Variants in ASAP2 observed in about 807,000 individuals in gnomAD.
ASAP2 encodes the protein ArfGAP with SH3 domain, ankyrin repeat and PH domain 2.
Under a neutral mutation model 131.4 loss-of-function variants are expected in ASAP2, and 45 were observed. The ratio of observed to expected loss-of-function variants is 0.34; its 90% CI spans 0.27 to 0.44. The LOEUF is 0.44. Ranked by LOEUF, ASAP2 falls within the 20% of genes least tolerant of loss-of-function variation. The probability of loss-of-function intolerance (pLI) is 1.00; values close to 1 mark genes in which losing one functional copy is unlikely to be tolerated. For missense variants in ASAP2, 1,011 were observed against 1,297.0 expected, an observed-to-expected ratio of 0.78 and a Z score of 3.39; for synonymous variants, 510 against 503.0, an observed-to-expected ratio of 1.01 and a Z score of -0.19.
chr2:9,316,206 C>T (rs996297488), intron 3 of ASAP2, among the ~76,000 whole-genome samples: 1 of 151,928 alleles, frequency 6.6e-6, no homozygotes, highest in African/African-American at 2.4e-5. Flanking sequence ...CCTATAGTCC[C>T]AGCTACTCAG....
intron 21 of ASAP2, among the ~76,000 whole-genome samples, 156 bp from the exon 22 acceptor site, chr2:9,388,138 A>G (rs902012669): frequency 6.6e-6 from 1 of 152,100 alleles, no homozygotes; most frequent in Non-Finnish European, 1.5e-5. Flanking sequence ...TGCAGCTCTC[A>G]CGCAACTTGT....
At chr2:9,216,453 AT>A (rs999787414) in intron 1 of ASAP2, among the ~76,000 whole-genome samples, 855 of 85,436 alleles carry the variant, frequency 0.01, 3 homozygotes, top group African/African-American at 0.02. Flanking sequence ...TGCCTGTTTA[AT>A]TTTTTTTTTT....
chr2:9,286,645 G>C (rs1251063006), intron 2 of ASAP2, among the ~76,000 whole-genome samples: 1 of 152,222 alleles, frequency 6.6e-6, no homozygotes. Context: ...TTTTGTGGAA[G>C]GAGATCCATG....
rs150148434 is a variant in ASAP2, at chr2:9,389,588, C to G, written c.2383+1042C>G. ...TGCTGGGCCCATCTTCCCTGCCGTC[C>G]TGGGTGTCTCACAGACCCTCACACG... On this transcript the variant is annotated intron_variant, in intron 22 of 27. Coordinates refer to ENST00000281419, the MANE Select transcript of ASAP2 (RefSeq NM_003887.3). The surrounding 1 kb of genome is among the most constrained non-coding windows in gnomAD (Gnocchi z 4.7). Among the ~76,000 whole-genome samples, 386 of 152,276 alleles carry G rather than the reference C, an allele frequency of 2.5e-3. 2 individuals are homozygous for G. Among genetic ancestry groups the G allele is most frequent in the African/African-American group, 9.0e-3 (374 of 41,554 alleles).
intron 2 of ASAP2, among the ~76,000 whole-genome samples, chr2:9,288,410 C>T (rs769298264): frequency 3.9e-5 from 6 of 152,182 alleles, no homozygotes; most frequent in Non-Finnish European, 5.9e-5. Context: ...GGGTGAGGCT[C>T]CAGGATCTCG....
intron 2 of ASAP2, among the ~76,000 whole-genome samples, chr2:9,289,025 G>C (rs925924666): frequency 3.9e-5 from 6 of 152,198 alleles, no homozygotes; most frequent in Admixed American, 6.5e-5. Context: ...TCCCCATAGA[G>C]TGCTGTGTTT....
chr2:9,366,969 G>A (rs998873782), intron 15 of ASAP2, among the ~76,000 whole-genome samples: 4 of 151,626 alleles, frequency 2.6e-5, no homozygotes, highest in African/African-American at 4.9e-5. Context: ...AGATAGACCC[G>A]ATTTCAGGCT....
intron 26 of ASAP2, among the ~76,000 whole-genome samples, chr2:9,401,040 C>T (rs1473994221): frequency 3.3e-5 from 5 of 152,112 alleles, no homozygotes; most frequent in Non-Finnish European, 7.4e-5. Context: ...GAGTACCCTG[C>T]CCCGGCCGCT....
At chr2:9,396,075 A>G (rs764667469) in intron 24 of ASAP2, among the ~76,000 whole-genome samples, 1 of 152,142 alleles carries the variant, frequency 6.6e-6, no homozygotes, top group Non-Finnish European at 1.5e-5. Flanking sequence ...TGGGCAGGGC[A>G]GCGGCTAAGG....
intron 4 of ASAP2, among the ~76,000 whole-genome samples, 168 bp downstream of exon 4, chr2:9,318,766 A>G (rs1315508787): frequency 6.6e-6 from 1 of 152,218 alleles, no homozygotes; most frequent in East Asian, 1.9e-4. Context: ...CCTTTCAGCC[A>G]AAAAGGTGGT....
chr2:9,300,196 G>C (rs1668397370), intron 3 of ASAP2, among the ~76,000 whole-genome samples: 1 of 152,198 alleles, frequency 6.6e-6, no homozygotes, highest in African/African-American at 2.4e-5. Context: ...TCACGCCCCT[G>C]TACTCCACCT....
intron 2 of ASAP2, among the ~76,000 whole-genome samples, chr2:9,286,049 G>A (rs1667438627): frequency 6.6e-6 from 1 of 152,118 alleles, no homozygotes; most frequent in South Asian, 2.1e-4. Context: ...TTAGAACAGG[G>A]CAGTTCAGAA....
intron 1 of ASAP2, among the ~76,000 whole-genome samples, chr2:9,245,005 G>A (rs1311050403): frequency 3.3e-5 from 5 of 152,078 alleles, no homozygotes; most frequent in Admixed American, 6.5e-5. Flanking sequence ...AAGTCCTCCC[G>A]TCATATAAAA....
At chr2:9,238,024 G>A (rs1486153434) in intron 1 of ASAP2, among the ~76,000 whole-genome samples, 2 of 152,104 alleles carry the variant, frequency 1.3e-5, no homozygotes, top group Non-Finnish European at 2.9e-5. Context: ...TGTGGACTGG[G>A]GTTTCCCTCT....
chr2:9,299,040 G>A (rs553873074), intron 3 of ASAP2, among the ~76,000 whole-genome samples: 2 of 152,308 alleles, frequency 1.3e-5, no homozygotes, highest in East Asian at 3.9e-4. Context: ...AGACCAAAAA[G>A]TGGGAAATAG....
chr2:9,299,203 G>A (rs1049741430), intron 3 of ASAP2, among the ~76,000 whole-genome samples: 2 of 152,232 alleles, frequency 1.3e-5, no homozygotes, highest in Middle Eastern at 3.4e-3. Flanking sequence ...AGTACCCAGC[G>A]CAATAAGGGA....
chr2:9,377,133 G>A lies in ASAP2; in HGVS notation c.1832+140G>A, dbSNP rs527443856. 4.1e-6 allele frequency: 3 copies of A among 733,444 alleles called. No individual in the cohort carries two copies. The African/African-American group carries it at 5.3e-5, about 13-fold the overall frequency. 45.4% of individuals were successfully genotyped at this position (733,444 alleles called of 1,614,324 possible). The stretch of plus-strand genomic sequence containing the variant: ...AAACATGAATTAAAGACAGAAAAAG[G>A]ACTGCCAGGTGTGAGGTACTCCATG... On this transcript the variant is annotated intron_variant, in intron 18 of 27. Coordinates refer to ENST00000281419, the MANE Select transcript of ASAP2 (RefSeq NM_003887.3).
At chr2:9,349,311 T>G (rs1316433078) in intron 11 of ASAP2, among the ~76,000 whole-genome samples, 1 of 152,176 alleles carries the variant, frequency 6.6e-6, no homozygotes, top group Admixed American at 6.5e-5. Context: ...AATTTGCACG[T>G]GTACAGTTGT....
chr2:9,327,682 C>A, intron 6 of ASAP2, 144 bp from the exon 7 acceptor site: 1 of 570,794 alleles, frequency 1.8e-6, no homozygotes, highest in Non-Finnish European at 3.0e-6. Flanking sequence ...TTACGGAATC[C>A]AGGCGATACT....
Sources: allele counts gnomAD v4.1 joint callset (sites outside exome capture counted in the v4.1 genomes callset), GRCh38; gene constraint gnomAD v4.1.1; non-coding constraint Gnocchi (gnomAD v3.1); transcripts MANE v1.5; gene names NCBI Gene and HGNC (gene_info 2026-07-23, HGNC 2026-07-21).